The following PPP2R2B variants were observed in gnomAD, a reference collection of about 807,000 sequenced individuals.
PPP2R2B encodes the protein protein phosphatase 2 regulatory subunit Bbeta.
A neutral mutation model predicts 46.0 loss-of-function variants in PPP2R2B; 5 were observed. The observed-to-expected ratio is 0.11, with a 90% confidence interval of 0.06 to 0.23. The LOEUF is 0.23. Among genes scored for constraint, PPP2R2B ranks in the 10% least tolerant of loss-of-function variants. The pLI is 1.00. For synonymous variants in PPP2R2B, 215 were observed against 206.7 expected, an observed-to-expected ratio of 1.04 and a Z score of -0.34; for missense variants, 367 against 575.0, an observed-to-expected ratio of 0.64 and a Z score of 3.70.
At chr5:146,915,504 C>T (rs1363151180) in intron 1 of PPP2R2B, among the ~76,000 whole-genome samples, 1 of 151,892 alleles carries the variant, frequency 6.6e-6, no homozygotes, top group Non-Finnish European at 1.5e-5. Context: ...CATACCCCTC[C>T]CCCACTGCTA....
chr5:147,067,723 A>G (rs1757456315), intron 2 of PPP2R2B, among the ~76,000 whole-genome samples: 1 of 152,182 alleles, frequency 6.6e-6, no homozygotes, highest in African/African-American at 2.4e-5. Flanking sequence ...GTTTCCTTCA[A>G]AGGAAATTCC....
chr5:146,731,180 C>G (rs1400105269), intron 2 of PPP2R2B, among the ~76,000 whole-genome samples: 2 of 152,134 alleles, frequency 1.3e-5, no homozygotes, highest in Non-Finnish European at 2.9e-5. Context: ...CAAAGACATC[C>G]CTGACAGGAG....
chr5:146,845,898 G>A (rs1379994622), intron 2 of PPP2R2B, among the ~76,000 whole-genome samples: 1 of 152,130 alleles, frequency 6.6e-6, no homozygotes, highest in African/African-American at 2.4e-5. Context: ...GTGCAACACA[G>A]TAGCCACTAA....
At chr5:146,733,860 G>A (rs941265969) in intron 2 of PPP2R2B, among the ~76,000 whole-genome samples, 4 of 152,162 alleles carry the variant, frequency 2.6e-5, no homozygotes, top group African/African-American at 9.7e-5. Flanking sequence ...TTTGAGTCAT[G>A]ACAATAGCAG....
intron 2 of PPP2R2B, among the ~76,000 whole-genome samples, chr5:147,076,536 A>T (rs73310665): frequency 0.054 from 8,259 of 152,270 alleles, 413 homozygotes; most frequent in African/African-American, 0.13. Flanking sequence ...TACACTGAGA[A>T]TATATTGTTT....
rs140830523 is a variant in PPP2R2B, at chr5:146,695,258, G to C, written c.334+2721C>G. Among the ~76,000 whole-genome samples, 943 of 152,072 alleles carry C rather than the reference G, an allele frequency of 6.2e-3. 6 individuals carry two copies. Among genetic ancestry groups the C allele is most frequent in the African/African-American group, 0.02 (830 of 41,510 alleles). On this transcript the variant is annotated intron_variant, in intron 4 of 9. Transcript: ENST00000394411. ...CTTAACAGTGGTTCTCTCTGGATGG[G>C]AACACTTTTATTATTTTTGTTTTTC... is the stretch of plus-strand genomic sequence containing the variant.
At chr5:146,819,474 T>A (rs997321382) in intron 2 of PPP2R2B, among the ~76,000 whole-genome samples, 1 of 152,144 alleles carries the variant, frequency 6.6e-6, no homozygotes, top group Non-Finnish European at 1.5e-5. Context: ...CACCTCTCTT[T>A]GAATGTGGAG....
chr5:146,759,820 T>C (rs1008567512), intron 2 of PPP2R2B, among the ~76,000 whole-genome samples: 1 of 152,154 alleles, frequency 6.6e-6, no homozygotes, highest in African/African-American at 2.4e-5. Context: ...CATAATTATT[T>C]TGAATCTATA....
At chr5:146,591,892 A>G (rs1017990739) in intron 9 of PPP2R2B, among the ~76,000 whole-genome samples, 1 of 152,146 alleles carries the variant, frequency 6.6e-6, no homozygotes, top group African/African-American at 2.4e-5. Context: ...CAATCTTGTT[A>G]GACTGTGGTT....
chr5:146,766,365 T>A (rs1358685083), intron 2 of PPP2R2B, among the ~76,000 whole-genome samples: 1 of 152,196 alleles, frequency 6.6e-6, no homozygotes, highest in Non-Finnish European at 1.5e-5. Flanking sequence ...TTTCCAGAGA[T>A]ATCACTCCCT....
chr5:146,666,366 T>C (rs1776981274), intron 5 of PPP2R2B, among the ~76,000 whole-genome samples: 1 of 152,224 alleles, frequency 6.6e-6, no homozygotes, highest in Non-Finnish European at 1.5e-5. Flanking sequence ...ATAGTATTAT[T>C]TGACTGGATG....
intron 2 of PPP2R2B, among the ~76,000 whole-genome samples, chr5:146,701,944 T>G (rs1364356374): frequency 6.6e-6 from 1 of 151,964 alleles, no homozygotes; most frequent in Non-Finnish European, 1.5e-5. Flanking sequence ...ACAGGTAAAT[T>G]ACCTATGATT....
intron 2 of PPP2R2B, among the ~76,000 whole-genome samples, chr5:147,068,872 T>A (rs993159048): frequency 2.6e-5 from 4 of 151,938 alleles, no homozygotes; most frequent in African/African-American, 7.3e-5. Context: ...TGGTGTAGAG[T>A]GAGAAGCACA....
At chr5:146,760,875 A>C (rs567657346) in intron 2 of PPP2R2B, among the ~76,000 whole-genome samples, 48 of 152,346 alleles carry the variant, frequency 3.2e-4, no homozygotes, top group African/African-American at 1.2e-3. Flanking sequence ...GACAGTTCTC[A>C]AAGAAGACAT....
chr5:146,970,643 A>C (rs1039940880), intron 1 of PPP2R2B, among the ~76,000 whole-genome samples: 2 of 152,042 alleles, frequency 1.3e-5, no homozygotes, highest in Non-Finnish European at 2.9e-5. Flanking sequence ...AGAAGGTTAG[A>C]CCCCTCAGAA....
Position 146,996,494 on chromosome 5 carries a change from C to T in PPP2R2B, c.79+59171G>A, listed in dbSNP as rs11952122. 5.4e-3 allele frequency among the ~76,000 whole-genome samples: 815 copies of T among 152,202 alleles called. 9 individuals are homozygous for T. The highest frequency in any genetic ancestry group is 0.019 in the African/African-American group (790 of 41,536). The stretch of plus-strand genomic sequence containing the variant: ...CAACTTCAGCACCACACTGAGAAGA[C>T]GGGATTGTTACCCTGTTGGCACTAG... On this transcript the variant is annotated intron_variant, in intron 1 of 8. Coordinates refer to the PPP2R2B transcript ENST00000336640.
chr5:146,619,804 C>T (rs1773523247), intron 7 of PPP2R2B, among the ~76,000 whole-genome samples: 1 of 152,144 alleles, frequency 6.6e-6, no homozygotes, highest in South Asian at 2.1e-4. Context: ...GGCTCCTATT[C>T]AACCTTCAGG....
intron 2 of PPP2R2B, among the ~76,000 whole-genome samples, chr5:146,824,163 A>G (rs73793290): frequency 0.026 from 4,010 of 152,338 alleles, 51 homozygotes; most frequent in Middle Eastern, 0.044. Context: ...TCTGATGGCA[A>G]CATAATTTAC....
At chr5:146,822,195 C>T (rs1230968400) in intron 2 of PPP2R2B, among the ~76,000 whole-genome samples, 1 of 152,188 alleles carries the variant, frequency 6.6e-6, no homozygotes, top group East Asian at 1.9e-4. Context: ...GGACTGGCTC[C>T]TCAATTTAGA....
Sources: gnomAD v4.1 joint callset for allele counts (sites outside exome capture counted in the v4.1 genomes callset) on GRCh38, gnomAD v4.1.1 for gene constraint, MANE v1.5 for transcripts, NCBI Gene and HGNC (gene_info 2026-07-23, HGNC 2026-07-21) for gene names.